Variants in FHIT observed in about 807,000 individuals in gnomAD.
FHIT encodes the protein fragile histidine triad diadenosine triphosphatase.
Under a neutral mutation model 17.9 loss-of-function variants are expected in FHIT, and 19 were observed. The ratio of observed to expected loss-of-function variants is 1.06; its 90% CI spans 0.74 to 1.56. FHIT has a LOEUF of 1.56. FHIT is among the 40% of genes most tolerant of loss of function. The pLI, the probability that FHIT is intolerant of heterozygous loss-of-function variation, is 0.00. For missense variants in FHIT, 248 were observed against 189.2 expected (o/e 1.31, Z -1.82); for synonymous variants, 81 against 69.7 (o/e 1.16, Z -0.81).
At chr3:60,259,413 GGAA>G (rs1019409639) in intron 5 of FHIT, among the ~76,000 whole-genome samples, 26 of 152,234 alleles carry the variant, frequency 1.7e-4, no homozygotes, top group East Asian at 3.9e-4. Context: ...AAGATGAAAA[GGAA>G]GAAGATGAGT....
intron 3 of FHIT, among the ~76,000 whole-genome samples, chr3:60,915,632 G>A (rs1459491334): frequency 4.6e-5 from 7 of 152,060 alleles, no homozygotes; most frequent in African/African-American, 1.7e-4. Context: ...AAAGAAAGAA[G>A]GGGAGTCACC....
At chr3:60,646,782 G>C (rs2039868197) in intron 4 of FHIT, among the ~76,000 whole-genome samples, 1 of 152,150 alleles carries the variant, frequency 6.6e-6, no homozygotes, top group South Asian at 2.1e-4. Flanking sequence ...AAGCAAAACT[G>C]TAAAGTAACT....
intron 8 of FHIT, among the ~76,000 whole-genome samples, chr3:59,830,346 A>T (rs1701123118): frequency 6.6e-6 from 1 of 152,202 alleles, no homozygotes; most frequent in African/African-American, 2.4e-5. Flanking sequence ...GAAGTTTTTC[A>T]TTTGGGATAA....
chr3:60,766,362 C>G (rs561212981), intron 4 of FHIT, among the ~76,000 whole-genome samples: 17 of 152,178 alleles, frequency 1.1e-4, no homozygotes, highest in Non-Finnish European at 2.5e-4. Context: ...AACACCCAAT[C>G]TGGGCAGCCT....
intron 7 of FHIT, among the ~76,000 whole-genome samples, chr3:59,984,025 T>A (rs541031415): frequency 6.6e-6 from 1 of 152,260 alleles, no homozygotes; most frequent in South Asian, 2.1e-4. Context: ...AGATCAATGT[T>A]ACTTAACTTT....
chr3:59,751,790 G>A lies in FHIT; in HGVS notation c.*5+431C>T, dbSNP rs572511430. ...AAAGCAGAGGAGTTTGCCCGGGGGC[G>A]TGTTAGGGAGGCAGAGAAAGCTGGT... On this transcript the variant is annotated intron_variant, in intron 9 of 9. Coordinates refer to ENST00000492590, the MANE Select transcript of FHIT (RefSeq NM_002012.4). The A allele has an allele frequency of 2.3e-4, 54 of 236,972 alleles. 1 individual carries two copies. Among genetic ancestry groups the A allele is most frequent in the Non-Finnish European group, 2.2e-4 (26 of 120,844 alleles). The allele number at this position is 236,972 out of a possible 1,614,324, so 14.7% of individuals were successfully genotyped here.
At chr3:61,173,341 A>G (rs1444265716) in intron 2 of FHIT, among the ~76,000 whole-genome samples, 5 of 152,208 alleles carry the variant, frequency 3.3e-5, no homozygotes, top group Non-Finnish European at 7.3e-5. Context: ...TTACTAATCT[A>G]TCACTCCAAA....
At chr3:60,766,841 T>C (rs1699870857) in intron 4 of FHIT, among the ~76,000 whole-genome samples, 1 of 152,158 alleles carries the variant, frequency 6.6e-6, no homozygotes, top group African/African-American at 2.4e-5. Flanking sequence ...CAAGACAAGA[T>C]CCTTATCCCT....
chr3:60,886,552 CT>C (rs1705230098), intron 3 of FHIT, among the ~76,000 whole-genome samples: 1 of 151,972 alleles, frequency 6.6e-6, no homozygotes, highest in Non-Finnish European at 1.5e-5. Context: ...TGCTAGAAAC[CT>C]AGTATATGGA....
At chr3:60,505,586 C>T (rs2034695471) in intron 5 of FHIT, among the ~76,000 whole-genome samples, 1 of 152,158 alleles carries the variant, frequency 6.6e-6, no homozygotes, top group Non-Finnish European at 1.5e-5. Context: ...CTTTGCTTCC[C>T]ATCTGGAGGA....
chr3:60,179,240 C>A (rs567564508), intron 5 of FHIT, among the ~76,000 whole-genome samples: 2 of 152,268 alleles, frequency 1.3e-5, no homozygotes, highest in Non-Finnish European at 2.9e-5. Flanking sequence ...GAAGAGAAAA[C>A]CAAAGTTCAT....
At chr3:60,746,072 C>A (rs1349013419) in intron 4 of FHIT, among the ~76,000 whole-genome samples, 3 of 152,184 alleles carry the variant, frequency 2.0e-5, no homozygotes, top group Non-Finnish European at 4.4e-5. Context: ...GTCATTAGCA[C>A]TGCACCTGAT....
rs11916728 is a variant in FHIT, at chr3:60,532,275, A to T, written c.103+4585T>A. Among the ~76,000 whole-genome samples, 766 of 152,194 alleles carry T rather than the reference A, an allele frequency of 5.0e-3. 8 individuals are homozygous for T. Among genetic ancestry groups the T allele is most frequent in the African/African-American group, 0.016 (676 of 41,502 alleles). ...AGAATAGCAATGCAGAGATCAATAC[A>T]CTCTCTGCTGAAGACGACAGAACAA... On this transcript the variant is annotated intron_variant, in intron 5 of 9. Transcript: ENST00000492590.
At chr3:60,471,771 C>G (rs1402469063) in intron 5 of FHIT, among the ~76,000 whole-genome samples, 2 of 152,126 alleles carry the variant, frequency 1.3e-5, no homozygotes, top group Non-Finnish European at 2.9e-5. Context: ...CCACTGCAGG[C>G]TTCAATTTGG....
At chr3:60,703,845 G>A (rs9861707) in intron 4 of FHIT, among the ~76,000 whole-genome samples, 7 of 151,904 alleles carry the variant, frequency 4.6e-5, no homozygotes. Flanking sequence ...AGTGGTACAT[G>A]TTTAATAATT....
chr3:60,212,845 C>T (rs1576317225), intron 5 of FHIT, among the ~76,000 whole-genome samples: 1 of 152,134 alleles, frequency 6.6e-6, no homozygotes, highest in Non-Finnish European at 1.5e-5. Flanking sequence ...CAATCCTGGG[C>T]GCTAATGATT....
At chr3:60,072,592 A>G (rs546803301) in intron 5 of FHIT, among the ~76,000 whole-genome samples, 17 of 152,286 alleles carry the variant, frequency 1.1e-4, no homozygotes, top group African/African-American at 3.9e-4. Context: ...AGCCACCGTT[A>G]TTGTTCCCAT....
chr3:59,948,135 T>C (rs1019252702), intron 7 of FHIT, among the ~76,000 whole-genome samples: 2 of 152,116 alleles, frequency 1.3e-5, no homozygotes, highest in African/African-American at 4.8e-5. Context: ...TGTGTACACA[T>C]AGGTTTCCCT....
chr3:60,612,029 C>T (rs1221929005), intron 4 of FHIT, among the ~76,000 whole-genome samples: 5 of 152,134 alleles, frequency 3.3e-5, no homozygotes, highest in African/African-American at 1.2e-4. Context: ...TAGCCCTCAC[C>T]TGCTCTACCT....
Sources: gnomAD v4.1 joint callset for allele counts (sites outside exome capture counted in the v4.1 genomes callset) on GRCh38, gnomAD v4.1.1 for gene constraint, MANE v1.5 for transcripts, NCBI Gene and HGNC (gene_info 2026-07-23, HGNC 2026-07-21) for gene names.